SUGCT: variants seen among roughly 807,000 people sequenced by gnomAD.
The protein encoded by SUGCT is succinyl-CoA:glutarate-CoA transferase, also known as succinyl-CoA:glutarate CoA-transferase.
A neutral mutation model predicts 55.0 loss-of-function variants in SUGCT; 41 were observed. The observed-to-expected ratio is 0.74, with a 90% CI of 0.58 to 0.97. The LOEUF is 0.97. Among genes scored for constraint, SUGCT ranks in the 50% least tolerant of loss-of-function variants. The pLI is 0.00. For synonymous variants in SUGCT, 187 were observed against 200.4 expected (o/e 0.93, Z 0.56); for missense variants, 568 against 547.8 (o/e 1.04, Z -0.37).
chr7:40,937,949 T>C, the SUGCT span, among the ~76,000 whole-genome samples: 1 of 152,196 alleles, frequency 6.6e-6, no homozygotes, highest in Non-Finnish European at 1.5e-5. Context: ...TAGATTCTCA[T>C]AAGGAGCACA....
intron 13 of SUGCT, among the ~76,000 whole-genome samples, chr7:40,802,083 T>C (rs1790849561): frequency 6.6e-6 from 1 of 151,934 alleles, no homozygotes; most frequent in Non-Finnish European, 1.5e-5. Context: ...AACAGTGACT[T>C]GAAATGGAGT....
chr7:40,362,359 C>T (rs1485153582), intron 9 of SUGCT, among the ~76,000 whole-genome samples: 1 of 152,056 alleles, frequency 6.6e-6, no homozygotes, highest in Non-Finnish European at 1.5e-5. Context: ...GCAGAAGTTG[C>T]AGTGAGCCAA....
chr7:40,953,245 G>A, the SUGCT span, among the ~76,000 whole-genome samples: 82 of 151,982 alleles, frequency 5.4e-4, no homozygotes, highest in African/African-American at 2.0e-3. Flanking sequence ...TGATCGAATC[G>A]GCTACTGAAG....
At chr7:40,206,941 G>A (rs1470301078) in intron 6 of SUGCT, among the ~76,000 whole-genome samples, 1 of 152,160 alleles carries the variant, frequency 6.6e-6, no homozygotes, top group Non-Finnish European at 1.5e-5. Context: ...GCTCATGGCT[G>A]TAATCCCAGC....
intron 13 of SUGCT, among the ~76,000 whole-genome samples, chr7:40,853,269 C>G (rs1014004585): frequency 1.3e-5 from 2 of 152,010 alleles, no homozygotes; most frequent in African/African-American, 4.8e-5. Context: ...GTAATAATAT[C>G]ACAGTATTTA....
At chr7:40,939,274 G>A in the SUGCT span, among the ~76,000 whole-genome samples, 9 of 152,004 alleles carry the variant, frequency 5.9e-5, no homozygotes, top group East Asian at 1.9e-4. Flanking sequence ...TGACTACCAC[G>A]AAAACAGTAT....
intron 9 of SUGCT, among the ~76,000 whole-genome samples, chr7:40,352,144 T>G (rs1797665980): frequency 6.6e-6 from 1 of 152,200 alleles, no homozygotes; most frequent in Non-Finnish European, 1.5e-5. Flanking sequence ...TCTGTCTGCT[T>G]TTTTTCAAAA....
intron 8 of SUGCT, among the ~76,000 whole-genome samples, chr7:40,300,664 C>T (rs147926108): frequency 1.3e-5 from 2 of 152,220 alleles, no homozygotes; most frequent in East Asian, 3.9e-4. Context: ...GTTAGTGTAC[C>T]TTTGAGGTCT....
chr7:40,390,145 T>A (rs558823746), intron 9 of SUGCT, among the ~76,000 whole-genome samples: 89 of 152,166 alleles, frequency 5.8e-4, no homozygotes, highest in African/African-American at 2.1e-3. Flanking sequence ...CAAAATAATA[T>A]GAGCTATTTA....
intron 12 of SUGCT, among the ~76,000 whole-genome samples, chr7:40,598,062 A>C (rs569487078): frequency 3.3e-4 from 50 of 152,310 alleles, no homozygotes; most frequent in African/African-American, 1.1e-3. Flanking sequence ...TAGTGTACCC[A>C]TGGCTTCTCA....
chr7:40,593,110 A>G (rs1444225416), intron 12 of SUGCT, among the ~76,000 whole-genome samples: 2 of 152,172 alleles, frequency 1.3e-5, no homozygotes, highest in Non-Finnish European at 2.9e-5. Flanking sequence ...GGATATGGCC[A>G]GGTAAGAAGG....
At chr7:40,728,087 G>A (rs1786702972) in intron 12 of SUGCT, among the ~76,000 whole-genome samples, 1 of 151,976 alleles carries the variant, frequency 6.6e-6, no homozygotes, top group African/African-American at 2.4e-5. Context: ...AGAATATTAG[G>A]ATTGTTTAGT....
chr7:40,271,290 A>T (rs1440092516), intron 7 of SUGCT, among the ~76,000 whole-genome samples: 1 of 151,844 alleles, frequency 6.6e-6, no homozygotes, highest in Non-Finnish European at 1.5e-5. Context: ...AATTAGTTAA[A>T]TTTTTTTTCT....
At chr7:40,957,702 A>G in the SUGCT span, among the ~76,000 whole-genome samples, 1 of 151,772 alleles carries the variant, frequency 6.6e-6, no homozygotes, top group Admixed American at 6.6e-5. Flanking sequence ...TTATCCTGTC[A>G]ATAACCAGTT....
At chr7:41,014,662 G>A in the SUGCT span, among the ~76,000 whole-genome samples, 4 of 152,196 alleles carry the variant, frequency 2.6e-5, no homozygotes, top group Non-Finnish European at 4.4e-5. Flanking sequence ...AATGAGCCAA[G>A]TCGTCAGTCT....
At chr7:40,931,350 C>T in the SUGCT span, among the ~76,000 whole-genome samples, 1 of 152,136 alleles carries the variant, frequency 6.6e-6, no homozygotes, top group Admixed American at 6.5e-5. Flanking sequence ...ATTTTCACAT[C>T]AATGTTCATC....
At chr7:40,453,176 A>C (rs1231988913) in intron 10 of SUGCT, among the ~76,000 whole-genome samples, 1 of 152,108 alleles carries the variant, frequency 6.6e-6, no homozygotes, top group Non-Finnish European at 1.5e-5. Context: ...CCCAGACCCC[A>C]AGTAATCCTG....
the SUGCT span, among the ~76,000 whole-genome samples, chr7:41,008,872 G>A: frequency 6.6e-6 from 1 of 152,152 alleles, no homozygotes; most frequent in South Asian, 2.1e-4. Flanking sequence ...GTGGTCACCC[G>A]AAGGGATGGT....
At chr7:41,016,999 A>G in the SUGCT span, among the ~76,000 whole-genome samples, 1 of 152,348 alleles carries the variant, frequency 6.6e-6, no homozygotes, top group Admixed American at 6.5e-5. Flanking sequence ...GAAGATCATT[A>G]CGCTTGAATG....
Sources: allele counts gnomAD v4.1 joint callset (sites outside exome capture counted in the v4.1 genomes callset), GRCh38; gene constraint gnomAD v4.1.1; transcripts MANE v1.5; gene names NCBI Gene and HGNC (gene_info 2026-07-23, HGNC 2026-07-21).